APOOL: variants seen among roughly 807,000 people sequenced by gnomAD.
APOOL encodes the protein MICOS complex subunit MIC27.
A neutral mutation model predicts 23.1 loss-of-function variants in APOOL; 12 were observed. The ratio of observed to expected loss-of-function variants is 0.52; its 90% confidence interval spans 0.33 to 0.84. APOOL has a LOEUF of 0.84. Among genes scored for constraint, APOOL ranks in the 40% least tolerant of loss-of-function variants. The pLI is 0.02. For missense variants in APOOL, 212 were observed against 199.6 expected (o/e 1.06, Z -0.37); for synonymous variants, 77 against 69.9 (o/e 1.10, Z -0.51).
chrX:85,044,591 A>AT (rs1191185702), intron 1 of APOOL, among the ~76,000 whole-genome samples: 1 of 110,474 alleles, frequency 9.1e-6, no homozygotes, highest in East Asian at 2.8e-4. Context: ...CTAAGCTCAT[A>AT]TTTTTTTTCC....
intron 5 of APOOL, among the ~76,000 whole-genome samples, chrX:85,060,159 C>G (rs757326600): frequency 0.022 from 2,314 of 106,875 alleles, 71 homozygotes; most frequent in African/African-American, 0.069. Context: ...GCTTGTTTTT[C>G]TCAGGTTTGT....
intron 5 of APOOL, among the ~76,000 whole-genome samples, 166 bp downstream of exon 5, chrX:85,056,091 G>A (rs973116692): frequency 5.4e-5 from 6 of 111,497 alleles, no homozygotes; most frequent in African/African-American, 2.0e-4. Flanking sequence ...AGGACTTTGT[G>A]TTTTCAAAAC....
chrX:85,072,450 G>A (rs1238600273), intron 6 of APOOL, among the ~76,000 whole-genome samples: 3 of 110,669 alleles, frequency 2.7e-5, no homozygotes, highest in Non-Finnish European at 3.8e-5. Flanking sequence ...ATTAATATGT[G>A]TATACGCTTC....
intron 1 of APOOL, among the ~76,000 whole-genome samples, chrX:85,012,485 A>T (rs1438005781): frequency 2.7e-5 from 3 of 111,565 alleles, no homozygotes; most frequent in Non-Finnish European, 3.8e-5. Flanking sequence ...TGGGTTTGTC[A>T]TAAATGGCTT....
intron 1 of APOOL, among the ~76,000 whole-genome samples, chrX:85,035,813 C>A (rs1454771128): frequency 9.0e-6 from 1 of 111,383 alleles, no homozygotes; most frequent in Non-Finnish European, 1.9e-5. Context: ...GTTCTCTAAC[C>A]TCTAACCTGT....
intron 1 of APOOL, among the ~76,000 whole-genome samples, chrX:85,012,406 T>A (rs1323667264): frequency 9.0e-6 from 1 of 111,590 alleles, no homozygotes; most frequent in African/African-American, 3.2e-5. Flanking sequence ...TGACAGTGGT[T>A]ATCCTTGTGT....
intron 1 of APOOL, among the ~76,000 whole-genome samples, chrX:85,045,941 T>G (rs1922557799): frequency 9.0e-6 from 1 of 111,556 alleles, no homozygotes; most frequent in Admixed American, 9.6e-5. Flanking sequence ...TCCAGAGCAT[T>G]TATCAACTTA....
intron 1 of APOOL, among the ~76,000 whole-genome samples, chrX:85,005,320 AT>A (rs1921021704): frequency 1.9e-5 from 1 of 53,963 alleles, no homozygotes; most frequent in Non-Finnish European, 3.5e-5. Flanking sequence ...AAATTTTTTT[AT>A]TTTTATTTTT....
chrX:85,078,450 T>G (rs945080314), intron 8 of APOOL, among the ~76,000 whole-genome samples: 6 of 111,621 alleles, frequency 5.4e-5, no homozygotes, highest in Non-Finnish European at 1.1e-4. Context: ...TTGGTCTATC[T>G]CTCTGTTTTG....
At chrX:85,074,162 G>C in intron 7 of APOOL, 51 bp downstream of exon 7, 1 of 1,134,825 alleles carries the variant, frequency 8.8e-7, no homozygotes. Context: ...GTTTGGGTGG[G>C]TGTTGGCTTG....
intron 2 of APOOL, among the ~76,000 whole-genome samples, chrX:85,050,513 C>G (rs1922727562): frequency 9.2e-6 from 1 of 108,717 alleles, no homozygotes; most frequent in Non-Finnish European, 1.9e-5. Flanking sequence ...TCATCTAGTT[C>G]CCTTGATGTT....
chrX:85,023,053 G>T (rs1453220907), intron 1 of APOOL, among the ~76,000 whole-genome samples: 3 of 111,539 alleles, frequency 2.7e-5, no homozygotes, highest in African/African-American at 9.8e-5. Flanking sequence ...TAGCCTTCCA[G>T]CCAGCTGAAT....
intron 8 of APOOL, among the ~76,000 whole-genome samples, chrX:85,074,742 A>T: frequency 9.0e-6 from 1 of 110,637 alleles, no homozygotes; most frequent in Non-Finnish European, 1.9e-5. Flanking sequence ...CTACATAAAG[A>T]AATGTCAGCT....
intron 8 of APOOL, among the ~76,000 whole-genome samples, chrX:85,079,283 G>C (rs1051757970): frequency 5.4e-5 from 6 of 111,695 alleles, no homozygotes; most frequent in Admixed American, 1.9e-4. Context: ...CTAGTTTATT[G>C]AGAGTTTTTA....
chrX:85,007,826 A>G (rs1008555821), intron 1 of APOOL, among the ~76,000 whole-genome samples: 2 of 112,154 alleles, frequency 1.8e-5, no homozygotes, highest in Admixed American at 1.9e-4. Context: ...AAATTTGTCT[A>G]TGATTTATTG....
rs72425038 is a variant in APOOL at position 85,077,076 on chromosome X, C to CAT, written c.718+2701_718+2702dup. Reference sequence around the variant, plus strand: ...GTATATACACGTATATATATATATACATATATATATATATATACACACACA... The same window carrying CAT: ...GTATATACACGTATATATATATATACATATATATATATATATATACACACACA... On this transcript the variant is annotated intron_variant, in intron 8 of 8. Transcript: ENST00000373173. 7.4e-3 allele frequency among the ~76,000 whole-genome samples: 640 copies of CAT among 86,904 alleles called. 7 individuals are homozygous for CAT. The highest frequency in any genetic ancestry group is 0.026 in the African/African-American group (577 of 21,916). The allele number at this position is 86,904 out of a possible 115,157, so 75.5% of individuals were successfully genotyped here.
intron 5 of APOOL, among the ~76,000 whole-genome samples, chrX:85,058,221 C>T (rs1049166090): frequency 7.2e-5 from 8 of 110,483 alleles, no homozygotes; most frequent in Non-Finnish European, 1.1e-4. Context: ...GATGTTCTTC[C>T]GCCCCCACCC....
At chrX:85,006,094 A>G (rs147855108) in intron 1 of APOOL, among the ~76,000 whole-genome samples, 1 of 112,063 alleles carries the variant, frequency 8.9e-6, no homozygotes, top group African/African-American at 3.2e-5. Context: ...CATTTTACAC[A>G]TGAAAATTAA....
intron 2 of APOOL, 32 bp from the exon 3 acceptor site, chrX:85,051,357 A>G: frequency 8.3e-7 from 1 of 1,204,431 alleles, no homozygotes; most frequent in Non-Finnish European, 1.1e-6. Flanking sequence ...CAGCTATTTT[A>G]TGTTTTTGAC....
Sources: gnomAD v4.1 joint callset for allele counts (sites outside exome capture counted in the v4.1 genomes callset) on GRCh38, gnomAD v4.1.1 for gene constraint, MANE v1.5 for transcripts, NCBI Gene and HGNC (gene_info 2026-07-23, HGNC 2026-07-21) for gene names.